BMP6: variants seen among roughly 807,000 people sequenced by gnomAD.
BMP6 encodes the protein bone morphogenetic protein 6.
Under a neutral mutation model 54.1 loss-of-function variants are expected in BMP6, and 17 were observed. The ratio of observed to expected loss-of-function variants is 0.31; its 90% CI spans 0.22 to 0.47. BMP6 has a LOEUF of 0.47. BMP6 is among the 20% of genes least tolerant of loss of function. The probability of loss-of-function intolerance (pLI) is 1.00; values close to 1 mark genes in which losing one functional copy is unlikely to be tolerated. For synonymous variants in BMP6, 328 were observed against 291.2 expected, an observed-to-expected ratio of 1.13 and a Z score of -1.28; for missense variants, 720 against 690.4, an observed-to-expected ratio of 1.04 and a Z score of -0.48.
At chr6:7,807,608 GC>G (rs1256187196) in intron 1 of BMP6, among the ~76,000 whole-genome samples, 3 of 152,078 alleles carry the variant, frequency 2.0e-5, no homozygotes, top group African/African-American at 2.4e-5. Flanking sequence ...ACATTTTGGG[GC>G]TCCATCCCAG....
intron 1 of BMP6, among the ~76,000 whole-genome samples, chr6:7,797,874 A>G (rs1386977372): frequency 6.6e-6 from 1 of 152,212 alleles, no homozygotes; most frequent in Non-Finnish European, 1.5e-5. Context: ...AAACAATCTT[A>G]TCTGGTAATT....
intron 1 of BMP6, among the ~76,000 whole-genome samples, chr6:7,805,429 G>A (rs939764776): frequency 6.6e-5 from 10 of 152,172 alleles, no homozygotes; most frequent in African/African-American, 1.9e-4. Context: ...AATGAAATTT[G>A]TGTTATTTTA....
chr6:7,850,854 T>C (rs1759131370), intron 2 of BMP6, among the ~76,000 whole-genome samples: 1 of 152,266 alleles, frequency 6.6e-6, no homozygotes, highest in South Asian at 2.1e-4. Flanking sequence ...ATAGAAAACC[T>C]AATTGACCCT....
At chr6:7,770,692 G>A (rs1166822539) in intron 1 of BMP6, among the ~76,000 whole-genome samples, 1 of 152,210 alleles carries the variant, frequency 6.6e-6, no homozygotes, top group Non-Finnish European at 1.5e-5. Flanking sequence ...TGCTCGTAAG[G>A]ATTCCTGAGC....
intron 1 of BMP6, among the ~76,000 whole-genome samples, chr6:7,741,163 C>T (rs991285676): frequency 6.6e-6 from 1 of 152,182 alleles, no homozygotes; most frequent in Admixed American, 6.5e-5. Flanking sequence ...GTTCAAATGC[C>T]ATCTCGTTAA....
intron 1 of BMP6, among the ~76,000 whole-genome samples, chr6:7,764,604 G>A (rs1311071397): frequency 6.6e-6 from 1 of 152,086 alleles, no homozygotes; most frequent in African/African-American, 2.4e-5. Flanking sequence ...GCACCATGAT[G>A]GACCTCTGGC....
intron 1 of BMP6, among the ~76,000 whole-genome samples, chr6:7,768,651 GAA>G (rs34728324): frequency 6.6e-6 from 1 of 152,042 alleles, no homozygotes; most frequent in African/African-American, 2.4e-5. Context: ...TGGTTCCTCT[GAA>G]AAAAAGTCGC....
chr6:7,867,724 C>G (rs1561796389), intron 4 of BMP6, among the ~76,000 whole-genome samples: 1 of 152,148 alleles, frequency 6.6e-6, no homozygotes, highest in Non-Finnish European at 1.5e-5. Context: ...GAAATCAAAC[C>G]TTAATTCTCC....
intron 1 of BMP6, among the ~76,000 whole-genome samples, chr6:7,808,357 A>C (rs187333219): frequency 2.0e-3 from 298 of 152,308 alleles, no homozygotes; most frequent in African/African-American, 7.0e-3. Flanking sequence ...AGTATTTCTG[A>C]AATGTGTTAA....
At chr6:7,733,507 C>G (rs930971533) in intron 1 of BMP6, among the ~76,000 whole-genome samples, 3 of 152,064 alleles carry the variant, frequency 2.0e-5, no homozygotes, top group Admixed American at 1.3e-4. Flanking sequence ...ACCATCCTGT[C>G]CCCCCCTCCC....
At chr6:7,809,110 C>T (rs1758398093) in intron 1 of BMP6, among the ~76,000 whole-genome samples, 2 of 43,706 alleles carry the variant, frequency 4.6e-5, no homozygotes, top group Admixed American at 5.1e-4. Context: ...TACCCCCCAC[C>T]CCCCCCCAAA....
intron 1 of BMP6, among the ~76,000 whole-genome samples, chr6:7,764,446 T>C (rs1025060633): frequency 1.3e-5 from 2 of 152,160 alleles, no homozygotes; most frequent in African/African-American, 2.4e-5. Context: ...TAAGCTGAAG[T>C]TTTGGGCCTC....
At chr6:7,812,795 CATT>C (rs759654005) in intron 1 of BMP6, among the ~76,000 whole-genome samples, 4 of 151,960 alleles carry the variant, frequency 2.6e-5, no homozygotes, top group East Asian at 3.9e-4. Flanking sequence ...CTGTGAATTT[CATT>C]ATTATGTTTC....
intron 1 of BMP6, among the ~76,000 whole-genome samples, chr6:7,832,863 G>A (rs557639162): frequency 1.3e-4 from 20 of 151,306 alleles, no homozygotes; most frequent in Admixed American, 3.3e-4. Context: ...GCGAAGTCAC[G>A]AGATCCTGGG....
intron 1 of BMP6, among the ~76,000 whole-genome samples, chr6:7,793,634 A>G (rs1311361264): frequency 6.6e-6 from 1 of 152,230 alleles, no homozygotes; most frequent in East Asian, 1.9e-4. Flanking sequence ...GACAGGGGGC[A>G]TATGAGAACT....
At chr6:7,787,878 G>A (rs2113178268) in intron 1 of BMP6, among the ~76,000 whole-genome samples, 1 of 152,152 alleles carries the variant, frequency 6.6e-6, no homozygotes, top group East Asian at 1.9e-4. Flanking sequence ...CCTTTTTGCT[G>A]ATAGGTGGGT....
chr6:7,755,934 T>C (rs766115614), intron 1 of BMP6, among the ~76,000 whole-genome samples: 12 of 152,290 alleles, frequency 7.9e-5, no homozygotes, highest in Non-Finnish European at 1.5e-4. Flanking sequence ...TCTTCTGTTA[T>C]ATGGCTGATT....
chr6:7,855,567 T>C (rs1471456546), intron 2 of BMP6, among the ~76,000 whole-genome samples: 1 of 144,744 alleles, frequency 6.9e-6, no homozygotes, highest in Non-Finnish European at 1.5e-5. Flanking sequence ...TTTTTTTTTT[T>C]TTTTTTTTTT....
At chr6:7,745,630 T>C (rs1364216764) in intron 1 of BMP6, among the ~76,000 whole-genome samples, 1 of 152,130 alleles carries the variant, frequency 6.6e-6, no homozygotes, top group Non-Finnish European at 1.5e-5. Flanking sequence ...ACAGAGTTAA[T>C]TTGGTTGTCC....
Sources: gnomAD v4.1 joint callset for allele counts (sites outside exome capture counted in the v4.1 genomes callset) on GRCh38, gnomAD v4.1.1 for gene constraint, MANE v1.5 for transcripts, NCBI Gene and HGNC (gene_info 2026-07-23, HGNC 2026-07-21) for gene names.